Variants in CHODL observed in about 807,000 individuals in gnomAD.
The protein encoded by CHODL is chondrolectin.
A neutral mutation model predicts 34.5 loss-of-function variants in CHODL; 29 were observed. That is an observed-to-expected ratio of 0.84 (90% CI 0.63 to 1.15). The LOEUF is 1.15. Among genes scored for constraint, CHODL ranks in the 50% most tolerant of loss-of-function variants. The probability of loss-of-function intolerance (pLI) is 0.00; values close to 1 mark genes in which losing one functional copy is unlikely to be tolerated. For missense variants in CHODL, 332 were observed against 332.5 expected, an observed-to-expected ratio of 1.00 and a Z score of 0.01; for synonymous variants, 125 against 116.1, an observed-to-expected ratio of 1.08 and a Z score of -0.49.
chr21:18,155,672 A>G (rs2073025581), intron 2 of CHODL, among the ~76,000 whole-genome samples: 2 of 152,172 alleles, frequency 1.3e-5, no homozygotes, highest in Non-Finnish European at 2.9e-5. Flanking sequence ...CATGTTATTT[A>G]TATAACACTT....
intron 2 of CHODL, among the ~76,000 whole-genome samples, chr21:18,119,834 A>G (rs899317406): frequency 2.6e-5 from 4 of 152,328 alleles, no homozygotes; most frequent in African/African-American, 7.2e-5. Context: ...TTTTTGTGTC[A>G]TAAAAACAAA....
chr21:18,015,807 T>G (rs1345242848), intron 1 of CHODL, among the ~76,000 whole-genome samples: 1 of 152,224 alleles, frequency 6.6e-6, no homozygotes, highest in East Asian at 1.9e-4. Context: ...ATTGTGCCCC[T>G]GGTCTAAGTA....
chr21:18,251,056 A>G (rs1040469963), intron 1 of CHODL, among the ~76,000 whole-genome samples: 1 of 151,676 alleles, frequency 6.6e-6, no homozygotes, highest in African/African-American at 2.4e-5. Context: ...AACAAATATA[A>G]GCAAAAAGAA....
At chr21:18,192,143 G>T (rs767233520) in intron 2 of CHODL, among the ~76,000 whole-genome samples, 9 of 152,100 alleles carry the variant, frequency 5.9e-5, no homozygotes, top group Non-Finnish European at 1.3e-4. Flanking sequence ...TTATGGCAAG[G>T]GAGGATCCTT....
intron 2 of CHODL, among the ~76,000 whole-genome samples, chr21:18,185,384 G>C (rs1445031125): frequency 6.6e-6 from 1 of 152,136 alleles, no homozygotes; most frequent in Non-Finnish European, 1.5e-5. Flanking sequence ...AGTATCCCAT[G>C]GTGTATATGT....
chr21:18,028,228 C>CT (rs1357792822), intron 2 of CHODL, among the ~76,000 whole-genome samples: 1 of 107,648 alleles, frequency 9.3e-6, no homozygotes, highest in Non-Finnish European at 2.1e-5. Flanking sequence ...CCCTCCCCTC[C>CT]CCTCCCCTTC....
intron 2 of CHODL, among the ~76,000 whole-genome samples, chr21:18,177,419 GCTT>G (rs1156354379): frequency 6.6e-6 from 1 of 151,898 alleles, no homozygotes; most frequent in African/African-American, 2.4e-5. Context: ...TTTATTGTTT[GCTT>G]CTTTTATATT....
intron 1 of CHODL, among the ~76,000 whole-genome samples, chr21:17,960,182 G>T (rs542025739): frequency 1.3e-5 from 2 of 152,264 alleles, no homozygotes; most frequent in African/African-American, 4.8e-5. Flanking sequence ...CTAAAACCCT[G>T]CACACACTTG....
At chr21:18,064,765 G>A (rs60833604) in intron 2 of CHODL, among the ~76,000 whole-genome samples, 2,396 of 151,906 alleles carry the variant, frequency 0.016, 67 homozygotes, top group African/African-American at 0.054. Context: ...ACACACATGC[G>A]CGCACACACA....
At chr21:18,100,576 A>G (rs1382349175) in intron 2 of CHODL, among the ~76,000 whole-genome samples, 2 of 152,182 alleles carry the variant, frequency 1.3e-5, no homozygotes, top group East Asian at 3.8e-4. Context: ...AGACTCAAGG[A>G]CACCTGAAGA....
intron 2 of CHODL, among the ~76,000 whole-genome samples, chr21:18,194,481 T>C (rs2073557800): frequency 6.6e-6 from 1 of 152,170 alleles, no homozygotes; most frequent in African/African-American, 2.4e-5. Context: ...CTCCTGATTT[T>C]CTCACGGCTA....
intron 2 of CHODL, among the ~76,000 whole-genome samples, chr21:18,046,022 A>T (rs1224138677): frequency 1.1e-4 from 16 of 152,120 alleles, no homozygotes; most frequent in African/African-American, 3.4e-4. Flanking sequence ...TTATAGAAGC[A>T]CAAATGAACT....
At chr21:18,083,601 G>A (rs1050453086) in intron 2 of CHODL, among the ~76,000 whole-genome samples, 1 of 152,240 alleles carries the variant, frequency 6.6e-6, no homozygotes, top group Non-Finnish European at 1.5e-5. Flanking sequence ...AGCTTCCCAA[G>A]ACCATGAGAA....
At chr21:18,013,635 C>CTTTTTTTTTTCTTTTTTTTTTTTTTT (rs2064041223) in intron 1 of CHODL, among the ~76,000 whole-genome samples, 1 of 71,896 alleles carries the variant, frequency 1.4e-5, no homozygotes, top group Non-Finnish European at 2.5e-5. Context: ...GCTGCTGCTG[C>CTTTTTTTTTTCTTTTTTTTTTTTTTT]TTTTTTTTTT....
At chr21:18,191,680 TAAGTC>T (rs1398987907) in intron 2 of CHODL, among the ~76,000 whole-genome samples, 1 of 152,228 alleles carries the variant, frequency 6.6e-6, no homozygotes, top group African/African-American at 2.4e-5. Flanking sequence ...TAGAAGTACT[TAAGTC>T]AAAGAAGTCA....
At chr21:18,249,153 A>G (rs907230971) in intron 1 of CHODL, among the ~76,000 whole-genome samples, 1 of 138,760 alleles carries the variant, frequency 7.2e-6, no homozygotes, top group Non-Finnish European at 1.5e-5. Context: ...ATATATATAA[A>G]GGAGTCCAAG....
chr21:18,138,740 T>C (rs894751029), intron 2 of CHODL, among the ~76,000 whole-genome samples: 1 of 152,190 alleles, frequency 6.6e-6, no homozygotes, highest in African/African-American at 2.4e-5. Context: ...CTTTCTGGAA[T>C]AGCAAGCGAA....
intron 2 of CHODL, among the ~76,000 whole-genome samples, chr21:18,111,884 G>T (rs917705062): frequency 6.6e-6 from 1 of 152,168 alleles, no homozygotes; most frequent in Non-Finnish European, 1.5e-5. Flanking sequence ...GGGGAACTCA[G>T]GTGGAAATTC....
chr21:18,039,662 C>T (rs2064351785), intron 2 of CHODL, among the ~76,000 whole-genome samples: 1 of 151,580 alleles, frequency 6.6e-6, no homozygotes, highest in African/African-American at 2.4e-5. Flanking sequence ...ATTTGGGGCT[C>T]CTTAGAGATC....
Sources: allele counts gnomAD v4.1 joint callset (sites outside exome capture counted in the v4.1 genomes callset), GRCh38; gene constraint gnomAD v4.1.1; transcripts MANE v1.5; gene names NCBI Gene and HGNC (gene_info 2026-07-23, HGNC 2026-07-21).